Variants in BAZ2B observed in about 807,000 individuals in gnomAD.
BAZ2B encodes the protein bromodomain adjacent to zinc finger domain 2B, also known as bromodomain adjacent to zinc finger domain protein 2B.
Under a neutral mutation model 246.0 loss-of-function variants are expected in BAZ2B, and 91 were observed. That is an observed-to-expected ratio of 0.37 (90% CI 0.31 to 0.44). The LOEUF is 0.44. Among genes scored for constraint, BAZ2B ranks in the 20% least tolerant of loss-of-function variants. The probability of loss-of-function intolerance (pLI) is 1.00; values close to 1 mark genes in which losing one functional copy is unlikely to be tolerated. For synonymous variants in BAZ2B, 855 were observed against 860.0 expected (o/e 0.99, Z 0.10); for missense variants, 2,332 against 2,533.7 (o/e 0.92, Z 1.71).
At chr2:159,475,741 T>C (rs1175974933) in intron 3 of BAZ2B, among the ~76,000 whole-genome samples, 4 of 152,238 alleles carry the variant, frequency 2.6e-5, no homozygotes, top group Non-Finnish European at 5.9e-5. Flanking sequence ...CGTTTCTGTG[T>C]AGACATCCTT....
the BAZ2B span, among the ~76,000 whole-genome samples, chr2:159,675,383 A>G: frequency 6.6e-6 from 1 of 152,160 alleles, no homozygotes; most frequent in Non-Finnish European, 1.5e-5. Flanking sequence ...ATAGATAGGA[A>G]AAATTTGTAT....
At chr2:159,600,784 G>A (rs1691950161) in intron 1 of BAZ2B, among the ~76,000 whole-genome samples, 2 of 152,018 alleles carry the variant, frequency 1.3e-5, no homozygotes, top group South Asian at 4.1e-4. Context: ...AAGAAGTGGG[G>A]GGAATCACAG....
At chr2:159,645,929 T>TCACAGGAC in the BAZ2B span, among the ~76,000 whole-genome samples, 5 of 152,078 alleles carry the variant, frequency 3.3e-5, no homozygotes, top group Admixed American at 3.3e-4. Flanking sequence ...CAGGGCAAGA[T>TCACAGGAC]CACAGGACCA....
chr2:159,326,168 G>A (rs2063684718), intron 34 of BAZ2B, among the ~76,000 whole-genome samples: 1 of 152,100 alleles, frequency 6.6e-6, no homozygotes, highest in African/African-American at 2.4e-5. Context: ...TAATCTCATG[G>A]TAATTCATCT....
chr2:159,418,991 T>C (rs2068252981), intron 13 of BAZ2B, among the ~76,000 whole-genome samples: 1 of 152,220 alleles, frequency 6.6e-6, no homozygotes, highest in Non-Finnish European at 1.5e-5. Context: ...TAAGGCCTAT[T>C]AGTCATTTGG....
intron 2 of BAZ2B, among the ~76,000 whole-genome samples, chr2:159,512,889 C>T (rs909627949): frequency 6.6e-6 from 1 of 152,102 alleles, no homozygotes; most frequent in Non-Finnish European, 1.5e-5. Context: ...CTGTGTTACA[C>T]TACAGAATGA....
chr2:159,630,144 T>C, the BAZ2B span, among the ~76,000 whole-genome samples: 11 of 152,148 alleles, frequency 7.2e-5, no homozygotes, highest in African/African-American at 7.2e-5. Flanking sequence ...ATTTACATTA[T>C]TATAATAAAA....
intron 34 of BAZ2B, among the ~76,000 whole-genome samples, chr2:159,331,714 C>CAAAGG (rs2064826181): frequency 6.6e-6 from 1 of 152,198 alleles, no homozygotes; most frequent in East Asian, 1.9e-4. Context: ...TATTACACAG[C>CAAAGG]TATATTCAGA....
chr2:159,469,491 G>T (rs965243494), intron 3 of BAZ2B, among the ~76,000 whole-genome samples: 11 of 151,914 alleles, frequency 7.2e-5, no homozygotes, highest in Non-Finnish European at 1.6e-4. Context: ...GCTGGAGTGC[G>T]GTGGTACAAT....
intron 2 of BAZ2B, among the ~76,000 whole-genome samples, chr2:159,512,623 T>C (rs2083047391): frequency 1.3e-5 from 2 of 152,186 alleles, no homozygotes; most frequent in South Asian, 4.1e-4. Flanking sequence ...TGAAGTTTTA[T>C]AATTTACACA....
At chr2:159,318,785 G>A (rs2062377793), downstream of BAZ2B, among the ~76,000 whole-genome samples, 1 of 151,884 alleles carries the variant, frequency 6.6e-6, no homozygotes, top group African/African-American at 2.4e-5. Context: ...GGAGAAGTTC[G>A]CAGACCAGAG....
chr2:159,387,662 T>C (rs775419083), intron 21 of BAZ2B, among the ~76,000 whole-genome samples: 4 of 152,152 alleles, frequency 2.6e-5, no homozygotes, highest in South Asian at 2.1e-4. Context: ...AGGAAACATA[T>C]ACATTTCTAT....
At chr2:159,430,008 T>G (rs3821298) in intron 10 of BAZ2B, among the ~76,000 whole-genome samples, 50,416 of 151,986 alleles carry the variant, frequency 0.33, 9,924 homozygotes, top group Non-Finnish European at 0.47. Flanking sequence ...CTCTAGGAAT[T>G]TATAAAAAGT....
At chr2:159,593,458 G>C (rs1689869315) in intron 1 of BAZ2B, among the ~76,000 whole-genome samples, 1 of 152,052 alleles carries the variant, frequency 6.6e-6, no homozygotes, top group Non-Finnish European at 1.5e-5. Context: ...TTTTGTTTTG[G>C]GGGTTGTTTT....
chr2:159,517,638 G>A (rs1361510788), intron 2 of BAZ2B, among the ~76,000 whole-genome samples: 1 of 152,000 alleles, frequency 6.6e-6, no homozygotes, highest in Non-Finnish European at 1.5e-5. Context: ...ACTTAAATTA[G>A]GTTTGTATTT....
intron 36 of BAZ2B, among the ~76,000 whole-genome samples, chr2:159,324,251 G>C (rs2063132123): frequency 6.6e-6 from 1 of 152,038 alleles, no homozygotes; most frequent in South Asian, 2.1e-4. Context: ...AAGAGAATAT[G>C]GTAGAGAAAA....
intron 27 of BAZ2B, among the ~76,000 whole-genome samples, chr2:159,371,951 T>C (rs2060895131): frequency 6.6e-6 from 1 of 152,180 alleles, no homozygotes; most frequent in South Asian, 2.1e-4. Context: ...TCTATTTGTA[T>C]AAGCTAGAAA....
rs183315389 is a variant in BAZ2B at position 159,517,328 on chromosome 2, G to T, written c.-3+38495C>A. ...GTTTTTTTTTTCCCCCCAAATTGCTGTTTTTTCACTCTCTGAAATTTTTAG... is the reference window on the plus strand; with the variant it reads ...GTTTTTTTTTTCCCCCCAAATTGCTTTTTTTTCACTCTCTGAAATTTTTAG... On this transcript the variant is annotated intron_variant, in intron 2 of 36. Coordinates refer to ENST00000392783, the MANE Select transcript of BAZ2B (RefSeq NM_013450.4). 3.9e-4 allele frequency among the ~76,000 whole-genome samples: 59 copies of T among 151,222 alleles called. 2 individuals are homozygous for T. In the East Asian group the frequency reaches 0.011, roughly 28 times the overall value.
chr2:159,401,637 T>C (rs1298258377), intron 16 of BAZ2B, among the ~76,000 whole-genome samples: 2 of 152,300 alleles, frequency 1.3e-5, no homozygotes, highest in East Asian at 3.9e-4. Flanking sequence ...GGGAATTATC[T>C]GTAGGACATA....
Sources: gnomAD v4.1 joint callset for allele counts (sites outside exome capture counted in the v4.1 genomes callset) on GRCh38, gnomAD v4.1.1 for gene constraint, MANE v1.5 for transcripts, NCBI Gene and HGNC (gene_info 2026-07-23, HGNC 2026-07-21) for gene names.